ADGRL3: variants seen among roughly 807,000 people sequenced by gnomAD.
ADGRL3 encodes the protein adhesion G protein-coupled receptor L3.
ADGRL3 carries 62 observed loss-of-function variants against 153.5 expected under a neutral mutation model. The ratio of observed to expected loss-of-function variants is 0.40; its 90% CI spans 0.33 to 0.50. The LOEUF (loss-of-function observed/expected upper bound fraction) is 0.50. ADGRL3 is among the 20% of genes least tolerant of loss of function. ADGRL3 has a pLI of 0.47. For missense variants in ADGRL3, 1,641 were observed against 1,859.4 expected (o/e 0.88, Z 2.16); for synonymous variants, 710 against 672.5 (o/e 1.06, Z -0.86).
chr4:61,337,477 C>T lies in ADGRL3; in HGVS notation c.-239-45647C>T, dbSNP rs73825119. Among the ~76,000 whole-genome samples the T allele has an allele frequency of 6.0e-3, 919 of 152,254 alleles. 8 individuals are homozygous for T. Among genetic ancestry groups the T allele is most frequent in the African/African-American group, 0.021 (879 of 41,548 alleles). On this transcript the variant is annotated intron_variant, in intron 1 of 26. Transcript: ENST00000683033. The stretch of plus-strand genomic sequence containing the variant: ...ACAGCAGACTGGAGAAATGCTGTGC[C>T]TCAGCTTTCCGGCCATTTCCTGCCC...
At chr4:61,883,736 G>A (rs933928550) in intron 9 of ADGRL3, among the ~76,000 whole-genome samples, 1 of 152,058 alleles carries the variant, frequency 6.6e-6, no homozygotes, top group Non-Finnish European at 1.5e-5. Context: ...ACCATTGAAG[G>A]CATGTCAGAG....
chr4:61,945,801 C>A (rs983760851), intron 15 of ADGRL3, among the ~76,000 whole-genome samples: 1 of 151,854 alleles, frequency 6.6e-6, no homozygotes, highest in Non-Finnish European at 1.5e-5. Context: ...GGCTCGCGCA[C>A]GGTGCGCACA....
chr4:61,310,911 A>G (rs760967945), intron 1 of ADGRL3, among the ~76,000 whole-genome samples: 1 of 151,994 alleles, frequency 6.6e-6, no homozygotes, highest in Non-Finnish European at 1.5e-5. Flanking sequence ...TGGAATGGAT[A>G]TATTCCAGTC....
chr4:61,646,077 C>A (rs1376111361), intron 5 of ADGRL3, among the ~76,000 whole-genome samples: 1 of 152,142 alleles, frequency 6.6e-6, no homozygotes, highest in Non-Finnish European at 1.5e-5. Context: ...TTGATGGCAT[C>A]GGCTCCTGAG....
intron 8 of ADGRL3, among the ~76,000 whole-genome samples, chr4:61,745,439 A>G (rs1485483527): frequency 2.0e-5 from 3 of 152,190 alleles, no homozygotes; most frequent in Non-Finnish European, 4.4e-5. Flanking sequence ...GAAGGAAAAA[A>G]TGTTAAGGGC....
chr4:61,209,401 G>C (rs1406768264), intron 1 of ADGRL3, among the ~76,000 whole-genome samples: 1 of 152,048 alleles, frequency 6.6e-6, no homozygotes, highest in Non-Finnish European at 1.5e-5. Flanking sequence ...AGTACCTGGT[G>C]GAGTGAATAC....
intron 2 of ADGRL3, among the ~76,000 whole-genome samples, chr4:61,455,440 A>C (rs1272935048): frequency 1.3e-5 from 2 of 152,184 alleles, no homozygotes; most frequent in East Asian, 1.9e-4. Flanking sequence ...TGCTGAGACC[A>C]CAAGTTTTTA....
In ADGRL3 at chr4:61,924,924, C is replaced by T. The variant is rs549601586; in HGVS notation, c.2113-9916C>T. The stretch of plus-strand genomic sequence containing the variant: ...ACTATATGGTTTATTATTTGCTTCC[C>T]TTGCCAGAATGTTCAGTTCTAAGAT... On this transcript the variant is annotated intron_variant, in intron 13 of 26. Transcript: ENST00000683033. Among the ~76,000 whole-genome samples, 6 of 152,108 alleles carry T rather than the reference C, an allele frequency of 3.9e-5. No homozygotes were observed. In the South Asian group the frequency reaches 1.0e-3, roughly 26 times the overall value.
intron 5 of ADGRL3, among the ~76,000 whole-genome samples, chr4:61,608,184 C>A (rs996448861): frequency 4.6e-5 from 7 of 152,208 alleles, no homozygotes; most frequent in African/African-American, 1.7e-4. Flanking sequence ...CTCCTACCAG[C>A]TTCCCACATT....
intron 2 of ADGRL3, among the ~76,000 whole-genome samples, chr4:61,407,305 A>C (rs1233520396): frequency 6.6e-6 from 1 of 152,176 alleles, no homozygotes; most frequent in African/African-American, 2.4e-5. Flanking sequence ...TTGTTATTAC[A>C]GAAGTAGATA....
intron 2 of ADGRL3, among the ~76,000 whole-genome samples, chr4:61,384,326 T>G (rs985893939): frequency 3.0e-4 from 46 of 151,990 alleles, no homozygotes; most frequent in African/African-American, 1.1e-3. Flanking sequence ...TGTCAGTGTT[T>G]TCTTCTTCAC....
Position 61,723,315 on chromosome 4 carries a change from G to A in ADGRL3, c.584-7307G>A, listed in dbSNP as rs182153352. ...TAATAGTGATATGGCTCCAATGACCGGAGAAACACCCTGGTCCCTTGTCTC... is the reference window on the plus strand; with the variant it reads ...TAATAGTGATATGGCTCCAATGACCAGAGAAACACCCTGGTCCCTTGTCTC... On this transcript the variant is annotated intron_variant, in intron 6 of 26. Coordinates refer to ENST00000683033, the MANE Select transcript of ADGRL3 (RefSeq NM_001387552.1). Among the ~76,000 whole-genome samples, 475 of 152,244 alleles carry A rather than the reference G, an allele frequency of 3.1e-3. 3 individuals carry two copies. Among genetic ancestry groups the A allele is most frequent in the Middle Eastern group, 6.8e-3 (2 of 294 alleles).
intron 8 of ADGRL3, among the ~76,000 whole-genome samples, chr4:61,776,775 A>G (rs563280020): frequency 1.3e-5 from 2 of 152,276 alleles, no homozygotes; most frequent in Admixed American, 1.3e-4. Flanking sequence ...TTCAGTTGCT[A>G]TTTCTGTGTT....
In ADGRL3 at chr4:61,574,645, G is replaced by A. The variant is rs187638352; in HGVS notation, c.260-12582G>A. Among the ~76,000 whole-genome samples the A allele has an allele frequency of 1.8e-4, 27 of 151,830 alleles. 1 individual carries two copies. The East Asian group carries it at 4.5e-3, about 25-fold the overall frequency. On this transcript the variant is annotated intron_variant, in intron 4 of 26. Transcript: ENST00000683033. ...TGATATAATTAAAGTTAAACTCAACGAATCAATATGGTTTGACAGGAAGAT... is the reference window on the plus strand; with the variant it reads ...TGATATAATTAAAGTTAAACTCAACAAATCAATATGGTTTGACAGGAAGAT...
In ADGRL3 at chr4:61,677,905, T is replaced by C. The variant is rs114159939; in HGVS notation, c.583+970T>C. Among the ~76,000 whole-genome samples the C allele has an allele frequency of 1.0e-2, 1,515 of 152,066 alleles. 29 individuals are homozygous for C. Among genetic ancestry groups the C allele is most frequent in the African/African-American group, 0.034 (1,408 of 41,506 alleles). On this transcript the variant is annotated intron_variant, in intron 6 of 26. Coordinates refer to ENST00000683033, the MANE Select transcript of ADGRL3 (RefSeq NM_001387552.1). Reference sequence around the variant, plus strand: ...ACTTCAGTAATAGAAATTTGGCCAATAAGAGAAGAATTGAAATTTTAAAAT... The same window carrying C: ...ACTTCAGTAATAGAAATTTGGCCAACAAGAGAAGAATTGAAATTTTAAAAT...
At chr4:61,694,956 G>A (rs1226123377) in intron 6 of ADGRL3, among the ~76,000 whole-genome samples, 1 of 152,116 alleles carries the variant, frequency 6.6e-6, no homozygotes, top group African/African-American at 2.4e-5. Flanking sequence ...CTCGTGTTCA[G>A]TTTTACCACA....
At chr4:61,488,049 C>T (rs922768025) in intron 2 of ADGRL3, among the ~76,000 whole-genome samples, 27 of 152,110 alleles carry the variant, frequency 1.8e-4, no homozygotes, top group Non-Finnish European at 3.2e-4. Context: ...CTCAAGGGCA[C>T]TTCACAAGAA....
intron 8 of ADGRL3, among the ~76,000 whole-genome samples, chr4:61,754,313 A>G (rs887302469): frequency 2.6e-5 from 4 of 152,162 alleles, no homozygotes; most frequent in African/African-American, 7.2e-5. Flanking sequence ...ATAATCAACA[A>G]TAGTTTCCAA....
At chr4:61,949,486 T>C (rs2098938758) in intron 17 of ADGRL3, among the ~76,000 whole-genome samples, 2 of 151,922 alleles carry the variant, frequency 1.3e-5, no homozygotes, top group South Asian at 4.2e-4. Context: ...TCATTCAGGG[T>C]CAGGAGTTAG....
Sources: allele counts gnomAD v4.1 joint callset (sites outside exome capture counted in the v4.1 genomes callset), GRCh38; gene constraint gnomAD v4.1.1; transcripts MANE v1.5; gene names NCBI Gene and HGNC (gene_info 2026-07-23, HGNC 2026-07-21).